The following SNX14 variants were observed in gnomAD, a reference collection of about 807,000 sequenced individuals.
The protein encoded by SNX14 is sorting nexin-14.
In SNX14, 93 loss-of-function variants were observed where a neutral mutation model predicts 133.8. That is an observed-to-expected ratio of 0.70 (90% confidence interval 0.59 to 0.83). The LOEUF is 0.83. SNX14 is among the 40% of genes least tolerant of loss of function. The pLI, the probability that SNX14 is intolerant of heterozygous loss-of-function variation, is 0.00. For missense variants in SNX14, 945 were observed against 1,094.9 expected (o/e 0.86, Z 1.93); for synonymous variants, 368 against 365.6 (o/e 1.01, Z -0.07).
intron 18 of SNX14, 107 bp from the exon 19 acceptor site, chr6:85,530,382 C>G (rs897697108): frequency 1.5e-6 from 1 of 657,428 alleles, no homozygotes; most frequent in Non-Finnish European, 2.4e-6. Flanking sequence ...CGGTGGCTCA[C>G]GCCTATAATC....
chr6:85,588,472 G>A (rs1224589540), intron 1 of SNX14, among the ~76,000 whole-genome samples: 1 of 152,160 alleles, frequency 6.6e-6, no homozygotes, highest in Non-Finnish European at 1.5e-5. Context: ...AGCTACTTGG[G>A]AGGCTGAGGC....
intron 16 of SNX14, 145 bp downstream of exon 16, chr6:85,538,693 T>C (rs956531760): frequency 3.4e-6 from 2 of 588,478 alleles, no homozygotes; most frequent in African/African-American, 4.0e-5. Flanking sequence ...GTATTCATTT[T>C]AAAAGATTAT....
At chr6:85,564,702 G>T (rs891386385) in intron 6 of SNX14, among the ~76,000 whole-genome samples, 5 of 151,942 alleles carry the variant, frequency 3.3e-5, no homozygotes, top group African/African-American at 4.8e-5. Flanking sequence ...TAAAAATAAG[G>T]TTTAAGGCCG....
At position 85,508,050 on chromosome 6, in the gene SNX14, A is replaced by C; in HGVS notation, c.2663T>G (p.Val888Gly). The change falls in exon 27 of 29, where the codon GTC (valine) becomes GGC (glycine). Residue 888 changes from valine to glycine, a missense_variant. Transcript: ENST00000314673. ...CTTGGTTTCTTCACCAATACACTTGACTAACAGATCTAAACAAAAAGGCCA... is the reference window on the plus strand; with the variant it reads ...CTTGGTTTCTTCACCAATACACTTGCCTAACAGATCTAAACAAAAAGGCCA... ...EMMNYIPDLL[V>G]KCIGEETKYE... 1 of 1,612,394 alleles carries C rather than the reference A, an allele frequency of 6.2e-7. No homozygotes were observed. The highest frequency in any genetic ancestry group is 1.1e-5 in the South Asian group (1 of 90,866).
intron 23 of SNX14, among the ~76,000 whole-genome samples, chr6:85,515,603 GA>G (rs1774691927): frequency 6.6e-6 from 1 of 152,054 alleles, no homozygotes; most frequent in African/African-American, 2.4e-5. Flanking sequence ...AAGCCTCCTA[GA>G]AAAGTATCCT....
At chr6:85,580,050 G>A (rs1423797746) in intron 1 of SNX14, among the ~76,000 whole-genome samples, 2 of 152,184 alleles carry the variant, frequency 1.3e-5, no homozygotes, top group East Asian at 3.9e-4. Flanking sequence ...CAAGTCCCAG[G>A]CAGTGCAGCT....
intron 4 of SNX14, among the ~76,000 whole-genome samples, chr6:85,568,645 T>C (rs1583002933): frequency 6.6e-6 from 1 of 152,278 alleles, no homozygotes; most frequent in East Asian, 1.9e-4. Flanking sequence ...ACAAATGCAG[T>C]AGGGAGGGAA....
Position 85,559,374 on chromosome 6 carries a change from A to G in SNX14, c.550-1314T>C, listed in dbSNP as rs376775902. On this transcript the variant is annotated intron_variant, in intron 6 of 28. Transcript: ENST00000314673. ...ACATTTTGTAAAATCTTGTTTTCTG[A>G]GAATACTCAGTAAGATTTTTATTTG... is the stretch of plus-strand genomic sequence containing the variant. Among the ~76,000 whole-genome samples, 106 of 152,334 alleles carry G rather than the reference A, an allele frequency of 7.0e-4. 2 individuals are homozygous for G. The South Asian group carries it at 0.021, about 30-fold the overall frequency.
chr6:85,546,670 A>G (rs2128091811), intron 12 of SNX14, among the ~76,000 whole-genome samples: 1 of 152,240 alleles, frequency 6.6e-6, no homozygotes, highest in East Asian at 1.9e-4. Flanking sequence ...CTCTTAGAAA[A>G]TCAAGTATAT....
chr6:85,520,426 C>T (rs1026509921), intron 21 of SNX14, among the ~76,000 whole-genome samples: 3 of 150,852 alleles, frequency 2.0e-5, no homozygotes, highest in Non-Finnish European at 2.9e-5. Context: ...GGTGCAATCT[C>T]GGCTCACTGT....
intron 7 of SNX14, among the ~76,000 whole-genome samples, chr6:85,553,527 G>C (rs1201540092): frequency 6.6e-6 from 1 of 152,044 alleles, no homozygotes; most frequent in African/African-American, 2.4e-5. Context: ...GCTCACGCCT[G>C]TAATCCCAGC....
At position 85,567,437 on chromosome 6, in the gene SNX14, A is replaced by G. The variant is rs150878013; in HGVS notation, c.461+97T>C. 4.8e-3 allele frequency: 4,353 copies of G among 915,732 alleles called. 12 individuals are homozygous for G. Among genetic ancestry groups the G allele is most frequent in the Non-Finnish European group, 6.1e-3 (3,703 of 609,102 alleles). 56.7% of individuals were successfully genotyped at this position (915,732 alleles called of 1,614,324 possible). A position where few individuals can be genotyped will look rare whatever the true frequency, so the allele number is the denominator to read the frequency against. On this transcript the variant is annotated intron_variant, in intron 5 of 28. Coordinates refer to ENST00000314673, the MANE Select transcript of SNX14 (RefSeq NM_153816.6). ...TAAAAGGTCAACAATGACAAAGTTG[A>G]GAAATCCTGGTCTACATGAAAAACA... is the stretch of plus-strand genomic sequence containing the variant.
intron 4 of SNX14, chr6:85,567,997 C>G (rs1794433928): frequency 6.6e-6 from 1 of 151,632 alleles, no homozygotes; most frequent in South Asian, 2.1e-4. Context: ...AAACAAAAAA[C>G]AAATAACGAC....
intron 21 of SNX14, 74 bp from the exon 22 acceptor site, chr6:85,518,122 A>G: frequency 8.2e-7 from 1 of 1,223,766 alleles, no homozygotes; most frequent in Non-Finnish European, 1.2e-6. Context: ...ATACTTAACC[A>G]GGTAATTTTA....
chr6:85,586,657 T>C (rs927647110), intron 1 of SNX14, among the ~76,000 whole-genome samples: 2 of 152,202 alleles, frequency 1.3e-5, no homozygotes, highest in South Asian at 2.1e-4. Flanking sequence ...CATATTTCAC[T>C]GTAGCCTTGA....
intron 15 of SNX14, 100 bp from the exon 16 acceptor site, chr6:85,538,964 C>T (rs936399290): frequency 1.2e-5 from 12 of 1,028,002 alleles, no homozygotes; most frequent in Non-Finnish European, 1.5e-5. Context: ...AATTTAAAAG[C>T]TTCAGAAGTT....
chr6:85,541,075 C>T (rs191376757), intron 15 of SNX14, among the ~76,000 whole-genome samples: 35 of 151,180 alleles, frequency 2.3e-4, no homozygotes, highest in Admixed American at 7.2e-4. Flanking sequence ...CTCATTGCAA[C>T]CTCCACCTCC....
intron 12 of SNX14, among the ~76,000 whole-genome samples, chr6:85,545,843 C>T (rs1347789225): frequency 6.6e-6 from 1 of 152,130 alleles, no homozygotes; most frequent in African/African-American, 2.4e-5. Flanking sequence ...GCCAACACGC[C>T]CAGCTAATTT....
At chr6:85,586,772 C>T (rs1800998840) in intron 1 of SNX14, among the ~76,000 whole-genome samples, 1 of 151,774 alleles carries the variant, frequency 6.6e-6, no homozygotes, top group African/African-American at 2.4e-5. Context: ...TCTTTCTGGC[C>T]AGGTGCATAA....
Sources: gnomAD v4.1 joint callset for allele counts (sites outside exome capture counted in the v4.1 genomes callset) on GRCh38, gnomAD v4.1.1 for gene constraint, MANE v1.5 for transcripts, NCBI Gene and HGNC (gene_info 2026-07-23, HGNC 2026-07-21) for gene names.